The following AFF1 variants were observed in gnomAD, a reference collection of about 807,000 sequenced individuals.
AFF1 encodes AF4/FMR2 family member 1.
A neutral mutation model predicts 121.7 loss-of-function variants in AFF1; 48 were observed. The ratio of observed to expected loss-of-function variants is 0.39; its 90% confidence interval spans 0.31 to 0.50. The LOEUF (loss-of-function observed/expected upper bound fraction) is 0.50, where lower values mean the gene tolerates loss of function less well. Among genes scored for constraint, AFF1 ranks in the 20% least tolerant of loss-of-function variants. The pLI is 0.76. For missense variants in AFF1, 1,523 were observed against 1,511.7 expected, an observed-to-expected ratio of 1.01 and a Z score of -0.12; for synonymous variants, 613 against 563.0, an observed-to-expected ratio of 1.09 and a Z score of -1.26.
At chr4:86,964,730 G>A (rs571799322) in intron 2 of AFF1, among the ~76,000 whole-genome samples, 225 of 152,192 alleles carry the variant, frequency 1.5e-3, no homozygotes, top group African/African-American at 5.2e-3. Context: ...CACTGCGCCC[G>A]GCTGTTATAT....
intron 1 of AFF1, among the ~76,000 whole-genome samples, chr4:86,938,094 C>CTAGACCATT (rs1046608735): frequency 1.3e-5 from 2 of 152,134 alleles, no homozygotes; most frequent in African/African-American, 4.8e-5. Context: ...TTTCAAGGCT[C>CTAGACCATT]TAGACCATTA....
Position 87,108,178 on chromosome 4 carries a change from G to T in AFF1, c.1396G>T (p.Glu466Ter). The T allele has an allele frequency of 6.2e-7, 1 of 1,614,022 alleles. No individual in the cohort carries two copies. The highest frequency in any genetic ancestry group is 1.1e-5 in the South Asian group (1 of 91,034). Reference protein sequence around the residue: ...APPSAPQSLPEPVASAHSSSA... With the variant: ...APPSAPQSLP ...TTGCAGTGCTCCACAGTCCCTTCCA[G>T]AACCAGTGGCATCAGCACATTCCAG... is the stretch of plus-strand genomic sequence containing the variant. The change falls in exon 11 of 21, where the codon GAA (glutamate) becomes TAA (stop). Residue 466 changes from glutamate (E) to a stop codon, truncating the protein, a stop_gained. Transcript: ENST00000395146. LOFTEE classifies it high-confidence loss of function.
chr4:87,117,763 T>G (rs760928810), intron 12 of AFF1, among the ~76,000 whole-genome samples: 8 of 152,218 alleles, frequency 5.3e-5, no homozygotes, highest in Non-Finnish European at 1.2e-4. Context: ...GAGAATCATG[T>G]GTCGTTTGGT....
At chr4:87,092,430 T>G (rs115553713) in intron 7 of AFF1, among the ~76,000 whole-genome samples, 2,102 of 152,300 alleles carry the variant, frequency 0.014, 45 homozygotes, top group African/African-American at 0.048. Flanking sequence ...CAACAGTAGA[T>G]TGGAGTGTGT....
chr4:86,953,249 G>C (rs1325133625), intron 2 of AFF1, among the ~76,000 whole-genome samples: 1 of 151,936 alleles, frequency 6.6e-6, no homozygotes, highest in East Asian at 1.9e-4. Context: ...CCTTTAAAAA[G>C]CTCTATTTTT....
chr4:87,064,866 T>A lies in AFF1; in HGVS notation c.1059+17272T>A, dbSNP rs555610837. On this transcript the variant is annotated intron_variant, in intron 4 of 20. Transcript: ENST00000395146. The stretch of plus-strand genomic sequence containing the variant: ...CCAGCCTGGGCAACAAGAGTGAAAT[T>A]CCGTCTCAAAAGAAAAAAAAAAAAA... 1.5e-4 allele frequency among the ~76,000 whole-genome samples: 18 copies of A among 117,068 alleles called. 1 individual carries two copies. The highest frequency in any genetic ancestry group is 1.5e-3 in the Admixed American group (17 of 11,332). The allele number at this position is 117,068 out of a possible 152,430, so 76.8% of individuals were successfully genotyped here.
At chr4:86,951,720 C>G (rs1168576741) in intron 2 of AFF1, among the ~76,000 whole-genome samples, 1 of 142,634 alleles carries the variant, frequency 7.0e-6, no homozygotes, top group Non-Finnish European at 1.5e-5. Flanking sequence ...CCTCCAGGTT[C>G]AAGCAATTCT....
At chr4:87,087,919 A>G (rs909306085) in intron 5 of AFF1, among the ~76,000 whole-genome samples, 2 of 152,258 alleles carry the variant, frequency 1.3e-5, no homozygotes, top group African/African-American at 4.8e-5. Context: ...AGTATTACCA[A>G]GTAAATAAAA....
intron 8 of AFF1, among the ~76,000 whole-genome samples, chr4:87,096,046 C>T (rs1019163066): frequency 5.3e-5 from 8 of 152,264 alleles, no homozygotes; most frequent in African/African-American, 1.7e-4. Flanking sequence ...TATTTTATCT[C>T]CTCGCCATGA....
At chr4:86,944,108 C>T (rs896606086) in intron 1 of AFF1, among the ~76,000 whole-genome samples, 1 of 146,272 alleles carries the variant, frequency 6.8e-6, no homozygotes, top group Non-Finnish European at 1.5e-5. Context: ...TGTGCCACTG[C>T]ACTCCAGCCT....
intron 2 of AFF1, among the ~76,000 whole-genome samples, chr4:87,022,758 AAT>A (rs1560548101): frequency 6.7e-6 from 1 of 149,300 alleles, no homozygotes; most frequent in Admixed American, 6.7e-5. Context: ...ATATATATAT[AAT>A]ATCATGTGTG....
chr4:87,090,487 A>G (rs1323036415), intron 6 of AFF1, among the ~76,000 whole-genome samples: 1 of 152,238 alleles, frequency 6.6e-6, no homozygotes, highest in African/African-American at 2.4e-5. Context: ...TTTAATAACA[A>G]GCAAATAAAC....
At chr4:87,095,836 C>T (rs1724780546) in intron 8 of AFF1, among the ~76,000 whole-genome samples, 1 of 152,022 alleles carries the variant, frequency 6.6e-6, no homozygotes, top group African/African-American at 2.4e-5. Flanking sequence ...AGGAGCTGGT[C>T]ATAGGGACTA....
In AFF1 at chr4:87,138,263, G is replaced by A. The variant is rs342459; in HGVS notation, c.*2562G>A. ...TTTTGCTGTTACGGTTGTATATAGA[G>A]GTCTGAAGGATTTTTAAAATGATTT... On this transcript the variant is annotated 3_prime_UTR_variant, in exon 21 of 21. Transcript: ENST00000395146. 0.4 allele frequency: 92,280 copies of A among 232,054 alleles called. 19,197 individuals are homozygous for A. The highest frequency in any genetic ancestry group is 0.53 in the Middle Eastern group (416 of 780). 14.4% of individuals were successfully genotyped at this position (232,054 alleles called of 1,614,324 possible).
intron 13 of AFF1, 78 bp downstream of exon 13, chr4:87,125,221 C>CT: frequency 9.6e-7 from 1 of 1,038,378 alleles, no homozygotes. Flanking sequence ...AGAAATTTTT[C>CT]TTCTGCACTA....
At position 87,125,012 on chromosome 4, in the gene AFF1, T is replaced by G. The variant is rs1049588804; in HGVS notation, c.2467-25T>G. On this transcript the variant is annotated intron_variant, in intron 12 of 20. Transcript: ENST00000395146. Reference sequence around the variant, plus strand: ...CTGTACAATTATGTTGGTAATAATTTGCTTTGCTGATTATACTGTAATAGG... The same window carrying G: ...CTGTACAATTATGTTGGTAATAATTGGCTTTGCTGATTATACTGTAATAGG... 3 of 1,531,958 alleles carry G rather than the reference T, an allele frequency of 2.0e-6. No individual in the cohort carries two copies. The African/African-American group carries it at 4.2e-5, about 21-fold the overall frequency. 94.9% of individuals were successfully genotyped at this position (1,531,958 alleles called of 1,614,324 possible).
In AFF1 at chr4:87,137,740, C is replaced by A; in HGVS notation, c.*2039C>A. On this transcript the variant is annotated 3_prime_UTR_variant, in exon 21 of 21. Transcript: ENST00000395146. Reference sequence around the variant, plus strand: ...CATCTGTTATATGTAAAGGACAAGGCACCAGAATCAGGCTTTATTTCGATA... The same window carrying A: ...CATCTGTTATATGTAAAGGACAAGGAACCAGAATCAGGCTTTATTTCGATA... The A allele has an allele frequency of 4.3e-6, 1 of 232,562 alleles. No homozygotes were observed. Among genetic ancestry groups the A allele is most frequent in the Non-Finnish European group, 8.5e-6 (1 of 117,640 alleles). 14.4% of individuals were successfully genotyped at this position (232,562 alleles called of 1,614,324 possible). A position where few individuals can be genotyped will look rare whatever the true frequency, so the allele number is the denominator to read the frequency against.
chr4:86,949,537 A>ATTTTTT (rs754229542), intron 2 of AFF1: 305 of 248,314 alleles, frequency 1.2e-3, no homozygotes, highest in Admixed American at 1.7e-3. Flanking sequence ...TATTATTATT[A>ATTTTTT]TTTTTTTTTT....
At chr4:86,988,251 G>A (rs1412415062) in intron 2 of AFF1, among the ~76,000 whole-genome samples, 4 of 152,040 alleles carry the variant, frequency 2.6e-5, no homozygotes, top group Admixed American at 1.3e-4. Context: ...TCACCCTACT[G>A]TGCTATCAAA....
Sources: gnomAD v4.1 joint callset for allele counts (sites outside exome capture counted in the v4.1 genomes callset) on GRCh38, gnomAD v4.1.1 for gene constraint, MANE v1.5 for transcripts, NCBI Gene and HGNC (gene_info 2026-07-23, HGNC 2026-07-21) for gene names.